The following RELL1 variants were observed in gnomAD, a reference collection of about 807,000 sequenced individuals.
RELL1 encodes RELT-like protein 1.
In RELL1, 10 loss-of-function variants were observed where a neutral mutation model predicts 23.0. The observed-to-expected ratio is 0.43, with a 90% confidence interval of 0.27 to 0.74. The LOEUF (loss-of-function observed/expected upper bound fraction) is 0.74, where lower values mean the gene tolerates loss of function less well. Ranked by LOEUF, RELL1 falls within the 30% of genes least tolerant of loss-of-function variation. RELL1 has a pLI of 0.19. For synonymous variants in RELL1, 146 were observed against 146.8 expected (o/e 0.99, Z 0.04); for missense variants, 315 against 364.4 (o/e 0.86, Z 1.10).
At chr4:37,601,093 C>T (rs1054299933) in intron 6 of RELL1, among the ~76,000 whole-genome samples, 2 of 152,172 alleles carry the variant, frequency 1.3e-5, no homozygotes, top group Non-Finnish European at 2.9e-5. Flanking sequence ...CAACATCAGT[C>T]AAGGCAAGAA....
intron 1 of RELL1, among the ~76,000 whole-genome samples, chr4:37,684,521 A>G (rs1041873372): frequency 6.6e-6 from 1 of 152,152 alleles, no homozygotes; most frequent in Non-Finnish European, 1.5e-5. Flanking sequence ...ATTTTTAATA[A>G]TTTTACTCCC....
chr4:37,685,828 G>C (rs1055102172), intron 1 of RELL1, among the ~76,000 whole-genome samples: 6 of 152,266 alleles, frequency 3.9e-5, no homozygotes, highest in Admixed American at 3.9e-4. Flanking sequence ...CGCTCGCGGC[G>C]CCTTTGAGGA....
chr4:37,610,238 T>A (rs1393259239), downstream of RELL1, among the ~76,000 whole-genome samples: 1 of 152,076 alleles, frequency 6.6e-6, no homozygotes, highest in Non-Finnish European at 1.5e-5. The surrounding 1 kb of genome is among the most constrained non-coding windows in gnomAD (Gnocchi z 4.1). Context: ...TTATCGTATT[T>A]TTTTTTAGCA....
downstream of RELL1, chr4:37,590,593 G>A: frequency 1.2e-6 from 2 of 1,614,152 alleles, no homozygotes; most frequent in Non-Finnish European, 1.7e-6. Context: ...ACAAGACCAT[G>A]TCTTCCAGAT....
In RELL1 at chr4:37,648,076, TC is replaced by T. The variant is rs369084564; in HGVS notation, c.314-638del. 9.8e-5 allele frequency among the ~76,000 whole-genome samples: 15 copies of T among 152,328 alleles called. 1 individual carries two copies. In the South Asian group the frequency reaches 3.1e-3, roughly 32 times the overall value. On this transcript the variant is annotated intron_variant, in intron 2 of 6. Transcript: ENST00000454158. ...TAAGAACGAGGAAGGGTTGAAACGCTCCATCCTAGTTCACAGAGAATGCATC... is the reference window on the plus strand; with the variant it reads ...TAAGAACGAGGAAGGGTTGAAACGCTCATCCTAGTTCACAGAGAATGCATC...
chr4:37,609,429 A>C (rs1719310396), downstream of RELL1, among the ~76,000 whole-genome samples: 1 of 152,196 alleles, frequency 6.6e-6, no homozygotes. Context: ...ACAAAGGGAG[A>C]AATGCTTTCA....
At chr4:37,615,629 A>C (rs904913967) in intron 6 of RELL1, among the ~76,000 whole-genome samples, 2 of 152,202 alleles carry the variant, frequency 1.3e-5, no homozygotes, top group African/African-American at 4.8e-5. Context: ...AGCCTGGCCT[A>C]TCTCTCTTCG....
In RELL1 at chr4:37,599,093, T is replaced by C. The variant is rs537671232; in HGVS notation, c.*4-7876A>G. 1.1e-3 allele frequency among the ~76,000 whole-genome samples: 163 copies of C among 152,318 alleles called. 1 individual carries two copies. The highest frequency in any genetic ancestry group is 1.7e-3 in the South Asian group (8 of 4,822). ...CAAAATGTGAGACAACCCAATTTTG[T>C]ATATGTAAAATTGTATGTATTGTCA... On this transcript the variant is annotated intron_variant, in intron 6 of 6. Transcript: ENST00000314117.
At chr4:37,600,012 G>A (rs1718973592) in intron 6 of RELL1, among the ~76,000 whole-genome samples, 1 of 152,232 alleles carries the variant, frequency 6.6e-6, no homozygotes, top group Non-Finnish European at 1.5e-5. Flanking sequence ...GCTCACGCCT[G>A]TAAACCCAGC....
At chr4:37,686,114 G>A in intron 1 of RELL1, 86 bp downstream of exon 1, 2 of 1,138,014 alleles carry the variant, frequency 1.8e-6, no homozygotes, top group Non-Finnish European at 1.3e-6. Context: ...GGACGCCGCG[G>A]GGCTGCCGTC....
chr4:37,638,772 C>A (rs1478109823), intron 3 of RELL1, among the ~76,000 whole-genome samples: 1 of 152,172 alleles, frequency 6.6e-6, no homozygotes, highest in Admixed American at 6.5e-5. Flanking sequence ...GCTTCTTACA[C>A]ATCAATAGCA....
Position 37,686,223 on chromosome 4 carries a change from A to G in RELL1, c.65T>C (p.Val22Ala). Residue 22 changes from valine to alanine, a missense_variant, in exon 1 of 7, where the codon GTG becomes GCG. By Grantham distance (64) the Val-to-Ala change is moderately conservative. Transcript: ENST00000454158. ...LAAAVFVGGA[V>A]SSPLVAPDNG... The stretch of plus-strand genomic sequence containing the variant: ...ACCCGGAGCCACCAGCGGCGAACTC[A>G]CGGCGCCTCCCACGAAGACAGCAGC... 6.3e-7 allele frequency: 1 copy of G among 1,580,354 alleles called. No individual in the cohort carries two copies. Among genetic ancestry groups the G allele is most frequent in the Non-Finnish European group, 8.5e-7 (1 of 1,171,540 alleles).
At position 37,686,343 on chromosome 4, in the gene RELL1, C is replaced by A. The variant is rs372166823; in HGVS notation, c.-56G>T. On this transcript the variant is annotated 5_prime_UTR_variant, in exon 1 of 7. Transcript: ENST00000454158. ...GCGCCGCGTCCCGCGCTCGGGAAGG[C>A]AGAGCCGCTCCGGAGCCGGCGGGCT... 7 of 1,345,122 alleles carry A rather than the reference C, an allele frequency of 5.2e-6. No individual in the cohort carries two copies. Among genetic ancestry groups the A allele is most frequent in the African/African-American group, 4.6e-5 (3 of 65,170 alleles). 83.3% of individuals were successfully genotyped at this position (1,345,122 alleles called of 1,614,324 possible).
downstream of RELL1, chr4:37,588,706 C>T (rs1386431140): frequency 1.6e-6 from 1 of 609,576 alleles, no homozygotes; most frequent in African/African-American, 1.8e-5. Context: ...CCCTCTCTGA[C>T]CCACGTGGTA....
At position 37,685,628 on chromosome 4, in the gene RELL1, G is replaced by A. The variant is rs1425093893; in HGVS notation, c.88+572C>T. Among the ~76,000 whole-genome samples, 5 of 152,164 alleles carry A rather than the reference G, an allele frequency of 3.3e-5. 1 individual carries two copies. Among genetic ancestry groups the A allele is most frequent in the Non-Finnish European group, 7.4e-5 (5 of 68,024 alleles). On this transcript the variant is annotated intron_variant, in intron 1 of 6. Coordinates refer to ENST00000454158, the MANE Select transcript of RELL1 (RefSeq NM_001085400.2). ...ACCAACGCGCCTTCCCTTTTTCCGA[G>A]CCTGATTTATACAGGATATATGGGA...
At chr4:37,654,712 A>T (rs1721064157) in intron 1 of RELL1, among the ~76,000 whole-genome samples, 1 of 152,234 alleles carries the variant, frequency 6.6e-6, no homozygotes, top group Non-Finnish European at 1.5e-5. Context: ...TAGTAAAAAC[A>T]TATCTAAATC....
downstream of RELL1, among the ~76,000 whole-genome samples, chr4:37,606,911 C>A (rs545654597): frequency 4.0e-4 from 61 of 152,266 alleles, no homozygotes; most frequent in African/African-American, 1.4e-3. The surrounding 1 kb of genome is among the most constrained non-coding windows in gnomAD (Gnocchi z 4.1). Flanking sequence ...CAAAATGAAA[C>A]CTGGCAGACA....
intron 4 of RELL1, among the ~76,000 whole-genome samples, chr4:37,637,937 T>C (rs563548472): frequency 6.6e-6 from 1 of 152,212 alleles, no homozygotes; most frequent in Non-Finnish European, 1.5e-5. Context: ...GTATTCCTTA[T>C]AACAACCCTA....
intron 2 of RELL1, among the ~76,000 whole-genome samples, chr4:37,647,753 A>G: frequency 6.6e-6 from 1 of 152,256 alleles, no homozygotes; most frequent in South Asian, 2.1e-4. Flanking sequence ...AAGCCTTATG[A>G]GAAATGGGAA....
Sources: gnomAD v4.1 joint callset for allele counts (sites outside exome capture counted in the v4.1 genomes callset) on GRCh38, gnomAD v4.1.1 for gene constraint, Gnocchi (gnomAD v3.1) non-coding constraint, MANE v1.5 for transcripts, NCBI Gene and HGNC (gene_info 2026-07-23, HGNC 2026-07-21) for gene names.